Variants in RASGRF2 observed in about 807,000 individuals in gnomAD.
RASGRF2 encodes ras-specific guanine nucleotide-releasing factor 2.
RASGRF2 carries 76 observed loss-of-function variants against 151.0 expected under a neutral mutation model. The ratio of observed to expected loss-of-function variants is 0.50; its 90% CI spans 0.42 to 0.61. RASGRF2 has a LOEUF of 0.61. Ranked by LOEUF, RASGRF2 falls within the 20% of genes least tolerant of loss-of-function variation. The pLI is 0.00. For missense variants in RASGRF2, 1,148 were observed against 1,564.6 expected (o/e 0.73, Z 4.49); for synonymous variants, 504 against 566.5 (o/e 0.89, Z 1.57).
At position 81,212,419 on chromosome 5, in the gene RASGRF2, T is replaced by A. The variant is rs760488673; in HGVS notation, c.3210T>A (p.Arg1070=). The A allele has an allele frequency of 1.2e-6, 2 of 1,613,984 alleles. No individual in the cohort carries two copies. Among genetic ancestry groups the A allele is most frequent in the African/African-American group, 1.3e-5 (1 of 75,034 alleles). Residue 1070 remains arginine, a synonymous_variant, in exon 23 of 27, where the codon CGT becomes CGA. Transcript: ENST00000265080. ...TGAACTATGCTGATGTCAGCTCCCG[T>A]GCCAACGCCATCGAGAAATGGGTGG... is the stretch of plus-strand genomic sequence containing the variant. ...QIMNYADVSS[R]ANAIEKWVAV...
intron 1 of RASGRF2, among the ~76,000 whole-genome samples, chr5:81,015,433 G>A (rs1252876532): frequency 6.6e-6 from 1 of 151,850 alleles, no homozygotes; most frequent in Non-Finnish European, 1.5e-5. Flanking sequence ...AATAAACAAA[G>A]GAATCAGCTC....
At chr5:81,185,639 A>G (rs561142504) in intron 18 of RASGRF2, among the ~76,000 whole-genome samples, 1 of 152,278 alleles carries the variant, frequency 6.6e-6, no homozygotes, top group East Asian at 1.9e-4. Flanking sequence ...AGAGAGAGCC[A>G]GGGCTGGGCT....
chr5:81,100,502 A>G (rs1031154292), intron 12 of RASGRF2, among the ~76,000 whole-genome samples: 8 of 152,210 alleles, frequency 5.3e-5, no homozygotes, highest in African/African-American at 1.9e-4. Context: ...CTCTAGCAAA[A>G]AGTGCAAGTG....
intron 17 of RASGRF2, among the ~76,000 whole-genome samples, chr5:81,154,195 A>T (rs944126579): frequency 6.6e-6 from 1 of 152,220 alleles, no homozygotes; most frequent in Non-Finnish European, 1.5e-5. Context: ...CTTGAACAAC[A>T]CTATCAACCA....
intron 1 of RASGRF2, among the ~76,000 whole-genome samples, chr5:80,966,720 T>C (rs112266741): frequency 1.2e-4 from 18 of 152,272 alleles, no homozygotes; most frequent in African/African-American, 3.6e-4. Flanking sequence ...GGAACAGAGA[T>C]GCAAAAAGCA....
Position 81,073,357 on chromosome 5 carries a change from C to T in RASGRF2, c.792C>T (p.Ile264=), listed in dbSNP as rs1226361503. 6.8e-6 allele frequency: 11 copies of T among 1,614,068 alleles called. No homozygotes were observed. Among genetic ancestry groups the T allele is most frequent in the Admixed American group, 1.7e-5 (1 of 60,012 alleles). The part of the protein sequence containing the change: ...AESEYVHQLY[I]LVNGFLRPLR... ...CAGAGTACGTTCACCAGCTCTACAT[C>T]CTGGTCAATGGCTTTCTCCGGCCCC... The change falls in exon 5 of 27, where the codon ATC becomes ATT. Residue 264 remains isoleucine (I), a synonymous_variant. Coordinates refer to ENST00000265080, the MANE Select transcript of RASGRF2 (RefSeq NM_006909.3).
At chr5:81,158,695 T>A (rs1754316114) in intron 17 of RASGRF2, among the ~76,000 whole-genome samples, 1 of 152,086 alleles carries the variant, frequency 6.6e-6, no homozygotes, top group Admixed American at 6.5e-5. Context: ...CATGAAAAGG[T>A]GTCAATGTCG....
At chr5:81,030,723 C>T (rs1322288233) in intron 1 of RASGRF2, among the ~76,000 whole-genome samples, 1 of 152,132 alleles carries the variant, frequency 6.6e-6, no homozygotes, top group Non-Finnish European at 1.5e-5. Context: ...CCATCAATGC[C>T]AGGAAGAAAC....
At chr5:81,053,611 T>C (rs1314699765) in intron 2 of RASGRF2, among the ~76,000 whole-genome samples, 1 of 152,138 alleles carries the variant, frequency 6.6e-6, no homozygotes. Flanking sequence ...TTTATAGCAG[T>C]ATGATTTATA....
chr5:80,968,181 C>T (rs893058915), intron 1 of RASGRF2, among the ~76,000 whole-genome samples: 6 of 152,212 alleles, frequency 3.9e-5, no homozygotes, highest in Admixed American at 1.3e-4. Context: ...TTTGATATTC[C>T]TCTTTTTATT....
chr5:81,037,667 G>A (rs1750545256), intron 1 of RASGRF2, among the ~76,000 whole-genome samples: 1 of 152,166 alleles, frequency 6.6e-6, no homozygotes, highest in African/African-American at 2.4e-5. Context: ...AAATGATTGA[G>A]AGAAAGAGAT....
intron 2 of RASGRF2, among the ~76,000 whole-genome samples, chr5:81,062,017 A>AC (rs1169383279): frequency 0.015 from 1,015 of 66,110 alleles, 37 homozygotes; most frequent in South Asian, 0.042. Context: ...AAAAAAAAAA[A>AC]AAAAAAACTG....
chr5:81,041,053 C>T (rs1430554228), intron 1 of RASGRF2, among the ~76,000 whole-genome samples: 1 of 152,126 alleles, frequency 6.6e-6, no homozygotes, highest in African/African-American at 2.4e-5. Context: ...CCTGTAATCC[C>T]AGCATTTTGG....
rs541392323 is a variant in RASGRF2 at position 81,067,034 on chromosome 5, C to T, written c.396-998C>T. Among the ~76,000 whole-genome samples the T allele has an allele frequency of 1.2e-4, 19 of 152,258 alleles. 1 individual carries two copies. The highest frequency in any genetic ancestry group is 3.4e-4 in the African/African-American group (14 of 41,540). On this transcript the variant is annotated intron_variant, in intron 2 of 26. Transcript: ENST00000265080. Reference sequence around the variant, plus strand: ...AGCTGGTGTTTAAGAACATGGACTTCGGGTCAGACATACCTTAATTTGAAT... The same window carrying T: ...AGCTGGTGTTTAAGAACATGGACTTTGGGTCAGACATACCTTAATTTGAAT...
At chr5:81,013,065 C>A (rs1749519916) in intron 1 of RASGRF2, among the ~76,000 whole-genome samples, 1 of 152,144 alleles carries the variant, frequency 6.6e-6, no homozygotes, top group Non-Finnish European at 1.5e-5. Flanking sequence ...GGCTGCAACA[C>A]CCCCACAGAG....
chr5:81,109,228 T>C (rs1752931178), intron 13 of RASGRF2, 150 bp downstream of exon 13: 1 of 1,377,372 alleles, frequency 7.3e-7, no homozygotes, highest in South Asian at 1.8e-5. Flanking sequence ...TATGATTCCA[T>C]TATAAATGAG....
chr5:81,014,951 A>C (rs1331592610), intron 1 of RASGRF2, among the ~76,000 whole-genome samples: 2 of 152,154 alleles, frequency 1.3e-5, no homozygotes, highest in Non-Finnish European at 2.9e-5. Flanking sequence ...ACAGGGTCAC[A>C]TTCTGTTGCC....
At chr5:81,158,163 G>A (rs1304029466) in intron 17 of RASGRF2, among the ~76,000 whole-genome samples, 1 of 152,134 alleles carries the variant, frequency 6.6e-6, no homozygotes, top group African/African-American at 2.4e-5. Flanking sequence ...TACAGTATTA[G>A]CAAAAAGATA....
At chr5:81,088,825 T>C (rs1299962849) in intron 9 of RASGRF2, among the ~76,000 whole-genome samples, 2 of 152,198 alleles carry the variant, frequency 1.3e-5, no homozygotes, top group Non-Finnish European at 2.9e-5. Context: ...ATACTGAATG[T>C]CATTTTTTTT....
Sources: allele counts gnomAD v4.1 joint callset (sites outside exome capture counted in the v4.1 genomes callset), GRCh38; gene constraint gnomAD v4.1.1; transcripts MANE v1.5; gene names NCBI Gene and HGNC (gene_info 2026-07-23, HGNC 2026-07-21).